FNDC3B: variants seen among roughly 807,000 people sequenced by gnomAD.
The protein encoded by FNDC3B is fibronectin type III domain-containing protein 3B.
Under a neutral mutation model 151.5 loss-of-function variants are expected in FNDC3B, and 12 were observed. That is an observed-to-expected ratio of 0.08 (90% CI 0.05 to 0.13). The LOEUF (loss-of-function observed/expected upper bound fraction) is 0.13, where lower values mean the gene tolerates loss of function less well. FNDC3B is among the 10% of genes least tolerant of loss of function. FNDC3B has a pLI of 1.00. For synonymous variants in FNDC3B, 528 were observed against 549.0 expected (o/e 0.96, Z 0.54); for missense variants, 1,214 against 1,505.3 (o/e 0.81, Z 3.20).
chr3:172,133,454 A>G lies in FNDC3B; in HGVS notation c.112-17A>G, dbSNP rs116529569. 6.3e-4 allele frequency: 1,011 copies of G among 1,600,788 alleles called. 9 individuals carry two copies. The African/African-American group carries it at 0.012, about 20-fold the overall frequency. On this transcript the variant is annotated splice_polypyrimidine_tract_variant and intron_variant, in intron 2 of 25. Coordinates refer to ENST00000415807, the MANE Select transcript of FNDC3B (RefSeq NM_022763.4). ...AGGTTCCAGTATTAAACTGAAATTA[A>G]TGTGTTGTTTTGGCAGGTTATTCTC...
intron 9 of FNDC3B, 29 bp downstream of exon 9, chr3:172,298,816 A>G (rs1730763384): frequency 2.6e-6 from 4 of 1,547,668 alleles, no homozygotes; most frequent in East Asian, 2.4e-5. Flanking sequence ...GCCAAACTGT[A>G]TTGGAGAATC....
At chr3:172,355,005 C>T (rs945006786) in intron 22 of FNDC3B, among the ~76,000 whole-genome samples, 11 of 151,682 alleles carry the variant, frequency 7.3e-5, no homozygotes, top group South Asian at 6.3e-4. Context: ...TTCAATGGAT[C>T]GGTCATTTCT....
intron 25 of FNDC3B, among the ~76,000 whole-genome samples, chr3:172,388,466 A>C (rs1735839998): frequency 6.6e-6 from 1 of 152,200 alleles, no homozygotes. Context: ...TACTTCAATA[A>C]AAAAAATCTC....
At chr3:172,294,464 C>T (rs1259696296) in intron 7 of FNDC3B, among the ~76,000 whole-genome samples, 2 of 152,140 alleles carry the variant, frequency 1.3e-5, no homozygotes, top group African/African-American at 4.8e-5. Context: ...GTGCCACACA[C>T]TTTTAAACAA....
At chr3:172,054,332 A>C (rs556746784) in intron 1 of FNDC3B, among the ~76,000 whole-genome samples, 1 of 152,222 alleles carries the variant, frequency 6.6e-6, no homozygotes, top group Non-Finnish European at 1.5e-5. Flanking sequence ...GTGCTTTCCC[A>C]GACGGCCCAG....
At chr3:172,165,611 T>C (rs900694414) in intron 3 of FNDC3B, among the ~76,000 whole-genome samples, 5 of 152,254 alleles carry the variant, frequency 3.3e-5, no homozygotes, top group African/African-American at 1.2e-4. Flanking sequence ...GATTGAACTT[T>C]CATACTGTAC....
At chr3:172,217,082 CTCTCCATA>C (rs1726019933) in intron 3 of FNDC3B, among the ~76,000 whole-genome samples, 1 of 53,632 alleles carries the variant, frequency 1.9e-5, no homozygotes, top group East Asian at 3.5e-4. Flanking sequence ...GCATGCCATT[CTCTCCATA>C]ATTAAGAACA....
intron 3 of FNDC3B, among the ~76,000 whole-genome samples, chr3:172,163,373 C>T (rs765105749): frequency 2.0e-5 from 3 of 152,058 alleles, no homozygotes; most frequent in Non-Finnish European, 4.4e-5. Flanking sequence ...TAATAATGAA[C>T]ATGACTGAAA....
At chr3:172,393,399 G>A (rs1386000024) in intron 25 of FNDC3B, among the ~76,000 whole-genome samples, 1 of 152,118 alleles carries the variant, frequency 6.6e-6, no homozygotes, top group Admixed American at 6.5e-5. Flanking sequence ...TGAAGGGAGG[G>A]ATAAATTGCA....
rs567337109 is a variant in FNDC3B at position 172,266,032 on chromosome 3, C to G, written c.790+14491C>G. On this transcript the variant is annotated intron_variant, in intron 6 of 25. Coordinates refer to ENST00000415807, the MANE Select transcript of FNDC3B (RefSeq NM_022763.4). ...GTCAGTATTCTCAATCTTTTTTATC[C>G]CTCTGCTCAATTTGAGGTAATACCA... 7.2e-5 allele frequency among the ~76,000 whole-genome samples: 11 copies of G among 152,160 alleles called. No individual in the cohort carries two copies. The South Asian group carries it at 2.1e-3, about 29-fold the overall frequency.
intron 7 of FNDC3B, among the ~76,000 whole-genome samples, chr3:172,294,249 T>C (rs181811483): frequency 3.2e-4 from 49 of 152,306 alleles, no homozygotes; most frequent in Non-Finnish European, 5.4e-4. Flanking sequence ...AAGGGAAGTG[T>C]ATTAGTCTGT....
At chr3:172,092,865 G>T (rs1718908502) in intron 1 of FNDC3B, among the ~76,000 whole-genome samples, 1 of 152,196 alleles carries the variant, frequency 6.6e-6, no homozygotes, top group Non-Finnish European at 1.5e-5. Context: ...GAGCGCAGTG[G>T]CATGATAATG....
intron 8 of FNDC3B, among the ~76,000 whole-genome samples, chr3:172,296,485 G>A (rs936722321): frequency 2.6e-5 from 4 of 152,050 alleles, no homozygotes; most frequent in African/African-American, 9.7e-5. Context: ...TTCCCTGGAC[G>A]CCCTCAGGAG....
intron 3 of FNDC3B, among the ~76,000 whole-genome samples, chr3:172,220,647 A>G (rs951241985): frequency 3.3e-5 from 5 of 152,130 alleles, no homozygotes; most frequent in Non-Finnish European, 5.9e-5. Context: ...TTAAGCTTCT[A>G]TAAGTAGGTC....
At chr3:172,237,520 A>G (rs1727227825) in intron 4 of FNDC3B, 1 of 152,294 alleles carries the variant, frequency 6.6e-6, no homozygotes, top group Non-Finnish European at 1.5e-5. Flanking sequence ...CAAAACTCCT[A>G]TGCTGATCAG....
intron 24 of FNDC3B, among the ~76,000 whole-genome samples, chr3:172,379,345 C>T (rs1338236847): frequency 1.3e-5 from 2 of 152,250 alleles, no homozygotes; most frequent in African/African-American, 4.8e-5. Flanking sequence ...AGGGTAAGTA[C>T]AACCTGCACA....
chr3:172,294,048 T>G (rs904601675), intron 7 of FNDC3B, among the ~76,000 whole-genome samples: 5 of 152,232 alleles, frequency 3.3e-5, no homozygotes, highest in Admixed American at 2.0e-4. Context: ...AATATCCAGA[T>G]AGCAATAGAA....
intron 3 of FNDC3B, among the ~76,000 whole-genome samples, chr3:172,161,382 A>G (rs564829107): frequency 1.3e-4 from 20 of 152,356 alleles, no homozygotes; most frequent in African/African-American, 4.8e-4. Flanking sequence ...CACTTCAGAA[A>G]AGAGTGCTGT....
intron 6 of FNDC3B, among the ~76,000 whole-genome samples, chr3:172,271,074 G>C (rs1446601689): frequency 6.6e-6 from 1 of 152,210 alleles, no homozygotes; most frequent in Non-Finnish European, 1.5e-5. Flanking sequence ...GCAAGAAACT[G>C]TCATCGTTGC....
Sources: allele counts gnomAD v4.1 joint callset (sites outside exome capture counted in the v4.1 genomes callset), GRCh38; gene constraint gnomAD v4.1.1; transcripts MANE v1.5; gene names NCBI Gene and HGNC (gene_info 2026-07-23, HGNC 2026-07-21).